The following HTR2C variants were observed in gnomAD, a reference collection of about 807,000 sequenced individuals.
The protein encoded by HTR2C is 5-hydroxytryptamine (serotonin) receptor 2C, G protein-coupled.
HTR2C carries 5 observed loss-of-function variants against 21.0 expected under a neutral mutation model. The ratio of observed to expected loss-of-function variants is 0.24; its 90% CI spans 0.12 to 0.50. The LOEUF is 0.50. Among genes scored for constraint, HTR2C ranks in the 20% least tolerant of loss-of-function variants. The pLI, the probability that HTR2C is intolerant of heterozygous loss-of-function variation, is 0.98. For missense variants in HTR2C, 271 were observed against 371.2 expected (o/e 0.73, Z 2.22); for synonymous variants, 150 against 145.3 (o/e 1.03, Z -0.23).
chrX:114,592,532 A>T, intron 1 of HTR2C, among the ~76,000 whole-genome samples: 1 of 111,775 alleles, frequency 8.9e-6, no homozygotes, highest in East Asian at 2.8e-4. Context: ...GTGAGAAATT[A>T]TTAAAAAAAC....
At chrX:114,836,800 T>A (rs1359541059) in intron 4 of HTR2C, among the ~76,000 whole-genome samples, 1 of 112,387 alleles carries the variant, frequency 8.9e-6, no homozygotes, top group Admixed American at 9.4e-5. Flanking sequence ...ATTGATTGAT[T>A]TTTTTCAGAT....
chrX:114,628,970 A>T (rs1245208177), intron 2 of HTR2C, among the ~76,000 whole-genome samples: 1 of 112,346 alleles, frequency 8.9e-6, no homozygotes. Context: ...ATTAGATGGA[A>T]CCACACCTTC....
intron 4 of HTR2C, among the ~76,000 whole-genome samples, chrX:114,779,535 A>G (rs1401431503): frequency 9.0e-6 from 1 of 111,585 alleles, no homozygotes; most frequent in Non-Finnish European, 1.9e-5. Flanking sequence ...TGCACCTCCA[A>G]TGCAGCTTTT....
intron 2 of HTR2C, among the ~76,000 whole-genome samples, chrX:114,644,354 AATAAATAAATATATAT>A (rs1452741889): frequency 2.6e-3 from 49 of 18,629 alleles, no homozygotes; most frequent in African/African-American, 7.0e-3. Flanking sequence ...AAAATAAATA[AATAAATAAATATATAT>A]ATATATATAT....
chrX:114,823,475 C>T (rs781946027), intron 4 of HTR2C: 1 of 348,673 alleles, frequency 2.9e-6, no homozygotes. Flanking sequence ...GAACATCCTG[C>T]ATAGTGCTGC....
At chrX:114,764,773 T>C (rs373684103) in intron 4 of HTR2C, among the ~76,000 whole-genome samples, 2 of 112,031 alleles carry the variant, frequency 1.8e-5, no homozygotes, top group East Asian at 5.6e-4. Flanking sequence ...TCAAGAAAGA[T>C]TAGAATTCCC....
At chrX:114,902,886 C>A (rs1476158400) in intron 5 of HTR2C, among the ~76,000 whole-genome samples, 1 of 112,169 alleles carries the variant, frequency 8.9e-6, no homozygotes, top group Non-Finnish European at 1.9e-5. Context: ...ACTGTGATTA[C>A]AGGCGTGAGC....
chrX:114,606,486 C>T (rs1336149641), intron 1 of HTR2C, among the ~76,000 whole-genome samples: 2 of 111,333 alleles, frequency 1.8e-5, no homozygotes, highest in East Asian at 5.7e-4. Flanking sequence ...TGACCGGCGC[C>T]GGAGTTTTGG....
chrX:114,889,350 T>C (rs1279107216), intron 5 of HTR2C, among the ~76,000 whole-genome samples: 2 of 111,705 alleles, frequency 1.8e-5, no homozygotes, highest in African/African-American at 6.5e-5. Flanking sequence ...CCAATCAGTA[T>C]ACCATTTTGC....
At chrX:114,807,294 T>C (rs868919420) in intron 4 of HTR2C, among the ~76,000 whole-genome samples, 8 of 95,541 alleles carry the variant, frequency 8.4e-5, no homozygotes, top group African/African-American at 3.9e-4. Flanking sequence ...ACCATATATA[T>C]ACCATGTATA....
chrX:114,689,208 G>GTATATA (rs58916694), intron 2 of HTR2C, among the ~76,000 whole-genome samples: 1,981 of 72,604 alleles, frequency 0.027, 98 homozygotes, highest in African/African-American at 0.082. Flanking sequence ...GTATGTATGC[G>GTATATA]TATATATATA....
At chrX:114,668,907 A>G (rs1254926324) in intron 2 of HTR2C, among the ~76,000 whole-genome samples, 1 of 111,292 alleles carries the variant, frequency 9.0e-6, no homozygotes, top group Non-Finnish European at 1.9e-5. Flanking sequence ...TATACAATGT[A>G]ATATATATAA....
chrX:114,640,406 C>T (rs1034326493), intron 2 of HTR2C, among the ~76,000 whole-genome samples: 14 of 111,750 alleles, frequency 1.3e-4, no homozygotes, highest in African/African-American at 4.6e-4. Context: ...ATAAAGTACA[C>T]GGCTGGGCCA....
chrX:114,610,475 G>A (rs1473524023), intron 1 of HTR2C, among the ~76,000 whole-genome samples: 1 of 112,017 alleles, frequency 8.9e-6, no homozygotes, highest in Non-Finnish European at 1.9e-5. Context: ...GTAGGTTAAA[G>A]TCTGTCTTGA....
At chrX:114,642,533 A>G (rs1556406672) in intron 2 of HTR2C, among the ~76,000 whole-genome samples, 1 of 112,147 alleles carries the variant, frequency 8.9e-6, no homozygotes, top group African/African-American at 3.2e-5. Context: ...TTAAGCAAAT[A>G]TTTTATTTTG....
intron 4 of HTR2C, among the ~76,000 whole-genome samples, chrX:114,805,543 G>GTA (rs1332124527): frequency 3.5e-5 from 1 of 28,631 alleles, no homozygotes; most frequent in Admixed American, 7.8e-4. Context: ...ATGGTATATG[G>GTA]TGTATATATA....
intron 1 of HTR2C, among the ~76,000 whole-genome samples, chrX:114,603,599 C>T (rs781876735): frequency 1.1e-5 from 1 of 91,721 alleles, no homozygotes; most frequent in Non-Finnish European, 2.1e-5. Context: ...GAGAATTATG[C>T]CGAGATAGGT....
intron 2 of HTR2C, among the ~76,000 whole-genome samples, chrX:114,668,692 AT>A (rs1235935395): frequency 1.1e-4 from 12 of 110,338 alleles, no homozygotes; most frequent in African/African-American, 3.3e-4. Context: ...ACCAAGAATT[AT>A]TTTTTTTACC....
intron 1 of HTR2C, among the ~76,000 whole-genome samples, chrX:114,603,733 G>A (rs782247808): frequency 2.6e-4 from 7 of 27,085 alleles, no homozygotes; most frequent in African/African-American, 8.4e-4. Flanking sequence ...AAGTGAAAGT[G>A]AAGAGAGGCT....
Sources: gnomAD v4.1 joint callset for allele counts (sites outside exome capture counted in the v4.1 genomes callset) on GRCh38, gnomAD v4.1.1 for gene constraint, MANE v1.5 for transcripts, NCBI Gene and HGNC (gene_info 2026-07-23, HGNC 2026-07-21) for gene names.